RPRD1A: variants seen among roughly 807,000 people sequenced by gnomAD.
RPRD1A encodes regulation of nuclear pre-mRNA domain-containing protein 1A.
Under a neutral mutation model 37.8 loss-of-function variants are expected in RPRD1A, and 9 were observed. The observed-to-expected ratio is 0.24, with a 90% CI of 0.14 to 0.42. The LOEUF is 0.42. RPRD1A is among the 10% of genes least tolerant of loss of function. The pLI is 1.00. For missense variants in RPRD1A, 255 were observed against 371.0 expected (o/e 0.69, Z 2.57); for synonymous variants, 138 against 139.7 (o/e 0.99, Z 0.08).
At chr18:36,048,063 CTTT>C (rs1156933838) in intron 1 of RPRD1A, among the ~76,000 whole-genome samples, 1,238 of 114,456 alleles carry the variant, frequency 0.011, 16 homozygotes, top group African/African-American at 0.041. Flanking sequence ...GTACCCATTC[CTTT>C]TTTTTTTTTT....
intron 1 of RPRD1A, among the ~76,000 whole-genome samples, chr18:36,045,213 C>G (rs1044574966): frequency 2.6e-5 from 4 of 152,048 alleles, no homozygotes; most frequent in African/African-American, 9.7e-5. Flanking sequence ...GCACTCCATC[C>G]TGGGTGACAG....
At chr18:36,066,113 A>G (rs934454946) in intron 1 of RPRD1A, among the ~76,000 whole-genome samples, 1 of 152,202 alleles carries the variant, frequency 6.6e-6, no homozygotes, top group East Asian at 1.9e-4. Flanking sequence ...CTCACAGAAG[A>G]TGAATTCCTC....
At chr18:36,061,939 C>G (rs1286495178) in intron 1 of RPRD1A, among the ~76,000 whole-genome samples, 1 of 152,192 alleles carries the variant, frequency 6.6e-6, no homozygotes, top group African/African-American at 2.4e-5. Context: ...TTCATACCCA[C>G]TAGGACAGCT....
chr18:36,050,614 A>G (rs1913312425), intron 1 of RPRD1A, among the ~76,000 whole-genome samples: 1 of 152,158 alleles, frequency 6.6e-6, no homozygotes, highest in African/African-American at 2.4e-5. Flanking sequence ...AGATATACAG[A>G]TAGTCAATAA....
intron 1 of RPRD1A, among the ~76,000 whole-genome samples, chr18:36,067,035 C>T (rs571749443): frequency 8.5e-5 from 13 of 152,326 alleles, no homozygotes; most frequent in African/African-American, 3.1e-4. Context: ...GTTAAGCTAA[C>T]CGGAGTTTTC....
intron 1 of RPRD1A, among the ~76,000 whole-genome samples, chr18:36,037,291 C>A (rs766418189): frequency 4.6e-5 from 7 of 152,088 alleles, no homozygotes; most frequent in Non-Finnish European, 8.8e-5. Flanking sequence ...ATCATGGGGG[C>A]AGCTACCTCC....
At chr18:36,055,748 G>A (rs1012832018) in intron 1 of RPRD1A, among the ~76,000 whole-genome samples, 1 of 152,094 alleles carries the variant, frequency 6.6e-6, no homozygotes, top group Non-Finnish European at 1.5e-5. Flanking sequence ...CTCTGAAACA[G>A]GGAAGAGTAA....
Position 36,031,060 on chromosome 18 carries a change from C to T in RPRD1A, c.319G>A (p.Val107Met), listed in dbSNP as rs749541565. The change falls in exon 3 of 7, where the codon GTG becomes ATG. Residue 107 changes from valine (V) to methionine (M), a missense_variant. Val to Met is a conservative substitution (Grantham distance 21). Coordinates refer to ENST00000399022, the MANE Select transcript of RPRD1A (RefSeq NM_018170.5). ...GACCTTTCTTCCCAAATAGATAACA[C>T]TCTTCCAAGGTGCTTCTTACAACTT... ...DESCKKHLGR[V>M]LSIWEERSVY... is the part of the protein sequence containing the mutation. The T allele has an allele frequency of 1.3e-6, 2 of 1,586,850 alleles. No homozygotes were observed. The highest frequency in any genetic ancestry group is 8.5e-7 in the Non-Finnish European group (1 of 1,172,732).
In RPRD1A at chr18:36,067,317, G is replaced by C; in HGVS notation, c.88C>G (p.Leu30Val). The C allele has an allele frequency of 1.2e-6, 2 of 1,607,700 alleles. No homozygotes were observed. Among genetic ancestry groups the C allele is most frequent in the Non-Finnish European group, 1.7e-6 (2 of 1,177,302 alleles). The change falls in exon 1 of 7, where the codon CTC (leucine) becomes GTC (valine). Residue 30 changes from leucine (L) to valine (V), a missense_variant. Leu to Val is a conservative substitution (Grantham distance 32, BLOSUM62 1). This residue lies in a region of RPRD1A where 44 missense variants were observed against 102.1 expected (regional missense o/e 0.43). Coordinates refer to ENST00000399022, the MANE Select transcript of RPRD1A (RefSeq NM_018170.5). ...CGCGAGTGTTTACGGTGGTGAATGA[G>C]CCACAGGGACAAGGTCTGCACGCTC... Reference protein sequence around the residue: ...QQSVQTLSLWLIHHRKHSRPI... With the variant: ...QQSVQTLSLWVIHHRKHSRPI...
At chr18:36,031,232 C>A in intron 2 of RPRD1A, 135 bp from the exon 3 acceptor site, 2 of 1,107,334 alleles carry the variant, frequency 1.8e-6, no homozygotes, top group Non-Finnish European at 1.2e-6. Flanking sequence ...GTCTACTTAG[C>A]ATCACTATGT....
intron 1 of RPRD1A, among the ~76,000 whole-genome samples, chr18:36,065,911 A>G (rs1235598991): frequency 6.6e-6 from 1 of 152,124 alleles, no homozygotes; most frequent in Non-Finnish European, 1.5e-5. Context: ...AGTTATTAAG[A>G]GAGTCTGGGT....
At chr18:36,033,633 T>G (rs1911973523) in intron 2 of RPRD1A, 75 bp downstream of exon 2, 1 of 1,328,892 alleles carries the variant, frequency 7.5e-7, no homozygotes, top group Non-Finnish European at 1.0e-6. Flanking sequence ...TTTTAATAGT[T>G]TAAGGCAAAT....
rs572830061 is a variant in RPRD1A, at chr18:36,013,841, C to T, written c.789+13059G>A. Among the ~76,000 whole-genome samples the T allele has an allele frequency of 1.5e-4, 23 of 151,978 alleles. No individual in the cohort carries two copies. In the East Asian group the frequency reaches 2.1e-3, roughly 14 times the overall value. ...GAATAACGATAATGAAACAGTAAAA[C>T]GTTTCAAAAATAAAATTTCTTAAAC... On this transcript the variant is annotated intron_variant, in intron 6 of 6. Transcript: ENST00000399022.
At chr18:36,032,982 T>C (rs776306177) in intron 2 of RPRD1A, among the ~76,000 whole-genome samples, 2 of 151,960 alleles carry the variant, frequency 1.3e-5, no homozygotes, top group South Asian at 2.1e-4. Context: ...ATACATGCGA[T>C]GTACAAAATT....
At chr18:36,015,472 G>A (rs554933362) in intron 6 of RPRD1A, among the ~76,000 whole-genome samples, 1 of 152,196 alleles carries the variant, frequency 6.6e-6, no homozygotes, top group African/African-American at 2.4e-5. Context: ...AAAGTACTGG[G>A]ATTACAGGCG....
chr18:36,054,025 G>C (rs1174794707), intron 1 of RPRD1A, among the ~76,000 whole-genome samples: 1 of 152,108 alleles, frequency 6.6e-6, no homozygotes, highest in African/African-American at 2.4e-5. Flanking sequence ...ACAAAAAAGG[G>C]TTTATGTGCA....
At chr18:36,020,608 A>C (rs547724122) in intron 6 of RPRD1A, among the ~76,000 whole-genome samples, 126 of 152,218 alleles carry the variant, frequency 8.3e-4, no homozygotes, top group Non-Finnish European at 1.5e-3. Flanking sequence ...AATTCTGTTA[A>C]GAATAGAAAA....
chr18:36,031,745 C>A (rs1376506750), intron 2 of RPRD1A, among the ~76,000 whole-genome samples: 1 of 152,164 alleles, frequency 6.6e-6, no homozygotes, highest in Non-Finnish European at 1.5e-5. Context: ...TCACGCTCTC[C>A]CAGCCTCTAC....
At chr18:36,058,458 T>C (rs1401929066) in intron 1 of RPRD1A, among the ~76,000 whole-genome samples, 1 of 152,212 alleles carries the variant, frequency 6.6e-6, no homozygotes, top group African/African-American at 2.4e-5. Context: ...GGAACACACT[T>C]TTATTTTTAT....
Sources: gnomAD v4.1 joint callset for allele counts (sites outside exome capture counted in the v4.1 genomes callset) on GRCh38, gnomAD v4.1.1 for gene constraint, gnomAD v4.1.1 regional missense constraint, MANE v1.5 for transcripts, NCBI Gene and HGNC (gene_info 2026-07-23, HGNC 2026-07-21) for gene names.